MKLN1: variants seen among roughly 807,000 people sequenced by gnomAD.
MKLN1 encodes muskelin 1.
In MKLN1, 18 loss-of-function variants were observed where a neutral mutation model predicts 99.0. The ratio of observed to expected loss-of-function variants is 0.18; its 90% confidence interval spans 0.13 to 0.27. The LOEUF is 0.27. Ranked by LOEUF, MKLN1 falls within the 10% of genes least tolerant of loss-of-function variation. The probability of loss-of-function intolerance (pLI) is 1.00; values close to 1 mark genes in which losing one functional copy is unlikely to be tolerated. For synonymous variants in MKLN1, 288 were observed against 293.2 expected (o/e 0.98, Z 0.18); for missense variants, 621 against 875.9 (o/e 0.71, Z 3.67).
At chr7:131,230,194 A>G (rs979522156) in intron 3 of MKLN1, among the ~76,000 whole-genome samples, 6 of 152,142 alleles carry the variant, frequency 3.9e-5, no homozygotes, top group Non-Finnish European at 7.3e-5. Context: ...CTGTTTTGAC[A>G]GTCTTATGGT....
At chr7:131,235,053 T>C (rs924347612) in intron 3 of MKLN1, among the ~76,000 whole-genome samples, 11 of 152,214 alleles carry the variant, frequency 7.2e-5, no homozygotes, top group African/African-American at 2.4e-4. Context: ...GGTTCGGACA[T>C]GAAGAACACG....
At chr7:131,414,547 GGT>G (rs766459385) in intron 7 of MKLN1, 96 bp from the exon 8 acceptor site, 282 of 700,330 alleles carry the variant, frequency 4.0e-4, no homozygotes, top group Non-Finnish European at 5.9e-4. Flanking sequence ...AATAAGGGTG[GGT>G]TATTTTTACT....
chr7:131,270,144 G>A (rs951550690), intron 3 of MKLN1, among the ~76,000 whole-genome samples: 16 of 151,890 alleles, frequency 1.1e-4, no homozygotes, highest in Admixed American at 5.3e-4. Flanking sequence ...GGATGGTCTC[G>A]ATCTCCCGAC....
At chr7:131,123,022 C>CAAA (rs59581806) in intron 1 of MKLN1, among the ~76,000 whole-genome samples, 3,380 of 60,278 alleles carry the variant, frequency 0.056, 1,103 homozygotes, top group African/African-American at 0.07. Context: ...GACTCCGTCT[C>CAAA]AAAAAAAAAA....
chr7:131,288,464 G>T (rs757644665), intron 3 of MKLN1, among the ~76,000 whole-genome samples: 6 of 152,106 alleles, frequency 3.9e-5, no homozygotes, highest in Non-Finnish European at 7.3e-5. Flanking sequence ...AAATCCCAGC[G>T]CAATGTGCCT....
intron 2 of MKLN1, among the ~76,000 whole-genome samples, chr7:131,379,040 G>T (rs1322909604): frequency 6.6e-6 from 1 of 152,090 alleles, no homozygotes; most frequent in Non-Finnish European, 1.5e-5. Flanking sequence ...GTCTCTGAGA[G>T]GTTATAGCTT....
chr7:131,202,952 G>C (rs1796753303), exon 3 of MKLN1: 1 of 152,166 alleles, frequency 6.6e-6, no homozygotes, highest in Admixed American at 6.5e-5. Context: ...AAGGCACCTT[G>C]GTAAACCCAC....
intron 6 of MKLN1, among the ~76,000 whole-genome samples, chr7:131,401,691 G>A (rs1794548962): frequency 6.6e-6 from 1 of 152,092 alleles, no homozygotes. Flanking sequence ...TTTGGTTCCA[G>A]ACCACTGCAG....
chr7:131,439,152 G>T (rs1032314890), intron 10 of MKLN1, among the ~76,000 whole-genome samples: 1 of 152,128 alleles, frequency 6.6e-6, no homozygotes, highest in Non-Finnish European at 1.5e-5. Flanking sequence ...TGTTCTTCAC[G>T]TGGAAAATAA....
rs143317059 is a variant in MKLN1 at position 131,277,723 on chromosome 7, C to T, written c.-179+74749C>T. Among the ~76,000 whole-genome samples, 560 of 152,160 alleles carry T rather than the reference C, an allele frequency of 3.7e-3. 3 individuals carry two copies. The highest frequency in any genetic ancestry group is 0.011 in the African/African-American group (446 of 41,532). On this transcript the variant is annotated intron_variant, in intron 3 of 7. Coordinates refer to the MKLN1 transcript ENST00000416992. ...GAGCCATGGTGCCTAGCCAATTGTG[C>T]ATTTCAAAACGGCTAGAAGAGGATA...
chr7:131,421,282 C>A (rs1795182992), intron 8 of MKLN1, among the ~76,000 whole-genome samples: 1 of 152,144 alleles, frequency 6.6e-6, no homozygotes, highest in African/African-American at 2.4e-5. Context: ...CTCTAAGTAT[C>A]TATTTAATCA....
chr7:131,162,062 A>G (rs1247276893), intron 2 of MKLN1, among the ~76,000 whole-genome samples: 1 of 147,836 alleles, frequency 6.8e-6, no homozygotes. Context: ...ATATATGTAT[A>G]TCACTCTGTT....
intron 3 of MKLN1, among the ~76,000 whole-genome samples, chr7:131,261,807 T>C (rs912958728): frequency 6.6e-6 from 1 of 152,218 alleles, no homozygotes; most frequent in African/African-American, 2.4e-5. Flanking sequence ...TATGGAATAC[T>C]ATGCAGCCAT....
chr7:131,490,055 A>G lies in MKLN1; in HGVS notation c.*2327A>G, dbSNP rs146768340. On this transcript the variant is annotated 3_prime_UTR_variant, in exon 18 of 18. Transcript: ENST00000352689. ...ATGATTGCAGAGAATGTAGTGCTTCATATATCCATGACCAAGATTGACATG... is the reference window on the plus strand; with the variant it reads ...ATGATTGCAGAGAATGTAGTGCTTCGTATATCCATGACCAAGATTGACATG... 6.5e-6 allele frequency: 1 copy of G among 152,708 alleles called. No homozygotes were observed. The highest frequency in any genetic ancestry group is 1.5e-5 in the Non-Finnish European group (1 of 68,004). The allele number at this position is 152,708 out of a possible 1,614,324, so 9.5% of individuals were successfully genotyped here. A position where few individuals can be genotyped will look rare whatever the true frequency, so the allele number is the denominator to read the frequency against.
chr7:131,362,967 A>G (rs938297540), intron 1 of MKLN1, among the ~76,000 whole-genome samples: 2 of 152,090 alleles, frequency 1.3e-5, no homozygotes, highest in Non-Finnish European at 2.9e-5. Flanking sequence ...TAATAAAAAT[A>G]TAAACTATTT....
chr7:131,152,257 G>A (rs559546874), intron 2 of MKLN1, among the ~76,000 whole-genome samples: 109 of 152,256 alleles, frequency 7.2e-4, no homozygotes, highest in African/African-American at 2.5e-3. Flanking sequence ...AGGAGTTCAA[G>A]ACTGCAGTGA....
chr7:131,331,286 A>G (rs895813370), intron 1 of MKLN1, among the ~76,000 whole-genome samples: 2 of 152,220 alleles, frequency 1.3e-5, no homozygotes, highest in Non-Finnish European at 2.9e-5. Context: ...TCTGACTTAA[A>G]AACTATTGCA....
intron 1 of MKLN1, among the ~76,000 whole-genome samples, chr7:131,369,739 T>C (rs1407820583): frequency 6.6e-6 from 1 of 152,328 alleles, no homozygotes; most frequent in African/African-American, 2.4e-5. Context: ...GTTTTACAGA[T>C]TATGTGTTTC....
At chr7:131,318,926 C>T (rs1796946530) in intron 3 of MKLN1, among the ~76,000 whole-genome samples, 1 of 152,174 alleles carries the variant, frequency 6.6e-6, no homozygotes, top group Admixed American at 6.5e-5. Context: ...AGACCAATAA[C>T]AGGCTCTGAA....
Sources: gnomAD v4.1 joint callset for allele counts (sites outside exome capture counted in the v4.1 genomes callset) on GRCh38, gnomAD v4.1.1 for gene constraint, MANE v1.5 for transcripts, NCBI Gene and HGNC (gene_info 2026-07-23, HGNC 2026-07-21) for gene names.